Variants in SCAP observed in about 807,000 individuals in gnomAD.
SCAP encodes the protein SREBF chaperone.
SCAP carries 65 observed loss-of-function variants against 123.6 expected under a neutral mutation model. That is an observed-to-expected ratio of 0.53 (90% CI 0.43 to 0.65). The LOEUF is 0.65. Ranked by LOEUF, SCAP falls within the 30% of genes least tolerant of loss-of-function variation. SCAP has a pLI of 0.00. For synonymous variants in SCAP, 740 were observed against 726.3 expected, an observed-to-expected ratio of 1.02 and a Z score of -0.30; for missense variants, 1,398 against 1,712.5, an observed-to-expected ratio of 0.82 and a Z score of 3.24.
intron 1 of SCAP, among the ~76,000 whole-genome samples, chr3:47,448,140 C>T (rs562253115): frequency 1.3e-4 from 19 of 151,168 alleles, no homozygotes; most frequent in Admixed American, 5.9e-4. Context: ...TTTCCATCTA[C>T]TTAGATCTTT....
intron 1 of SCAP, among the ~76,000 whole-genome samples, chr3:47,457,054 T>C (rs1211726394): frequency 6.6e-6 from 1 of 152,030 alleles, no homozygotes; most frequent in Non-Finnish European, 1.5e-5. Context: ...TAAACTATCA[T>C]AAAGAAACAT....
In SCAP at chr3:47,414,332, G is replaced by T. The variant is rs1355241256; in HGVS notation, c.3442C>A (p.Leu1148Met). The change falls in exon 22 of 23, where the codon CTG (leucine) becomes ATG (methionine). Residue 1148 changes from leucine to methionine, a missense_variant. Physicochemically the swap from Leu to Met is conservative, Grantham distance 15 (BLOSUM62 2). Transcript: ENST00000265565. Reference sequence around the variant, plus strand: ...ACATGGCTGACCCGGCTGCCAGTCAGTACATCCCACAGGCAGATGGCCCCA... The same window carrying T: ...ACATGGCTGACCCGGCTGCCAGTCATTACATCCCACAGGCAGATGGCCCCA... The part of the protein sequence containing the change: ...QDGAICLWDV[L>M]TGSRVSHVFA... The T allele has an allele frequency of 9.9e-6, 16 of 1,613,184 alleles. No individual in the cohort carries two copies. The South Asian group carries it at 1.5e-4, about 15-fold the overall frequency.
At chr3:47,415,633 A>G (rs1385264890) in intron 18 of SCAP, among the ~76,000 whole-genome samples, 1 of 152,170 alleles carries the variant, frequency 6.6e-6, no homozygotes, top group Non-Finnish European at 1.5e-5. Context: ...GCTCACATCA[A>G]TTCCTTTTTC....
intron 20 of SCAP, 81 bp from the exon 21 acceptor site, chr3:47,414,733 C>A (rs986328317): frequency 6.2e-7 from 1 of 1,609,168 alleles, no homozygotes; most frequent in African/African-American, 1.3e-5. Flanking sequence ...CTCTGTTCTT[C>A]ATCAGGACTC....
At chr3:47,444,444 G>C (rs898082509) in intron 1 of SCAP, among the ~76,000 whole-genome samples, 10 of 152,298 alleles carry the variant, frequency 6.6e-5, no homozygotes, top group African/African-American at 2.2e-4. Context: ...AAGCAGAAGC[G>C]TTAAGCGCAC....
At chr3:47,421,052 T>TG (rs538169049) in intron 10 of SCAP, 23 bp from the exon 11 acceptor site, 74 of 1,592,998 alleles carry the variant, frequency 4.6e-5, no homozygotes, top group South Asian at 4.4e-5. Flanking sequence ...CACATGGGGA[T>TG]GGGGGGGTGC....
intron 1 of SCAP, among the ~76,000 whole-genome samples, chr3:47,466,929 T>C (rs1360708747): frequency 6.6e-6 from 1 of 150,586 alleles, no homozygotes; most frequent in South Asian, 2.1e-4. Context: ...TAAAAAAAAA[T>C]AAATACAAAA....
intron 1 of SCAP, among the ~76,000 whole-genome samples, chr3:47,445,116 C>T (rs536887963): frequency 6.6e-6 from 1 of 152,180 alleles, no homozygotes; most frequent in African/African-American, 2.4e-5. Flanking sequence ...AATGGGTATG[C>T]CACATTTTGT....
Position 47,427,139 on chromosome 3 carries a change from G to A in SCAP, c.737+18C>T. On this transcript the variant is annotated intron_variant, in intron 6 of 22. Transcript: ENST00000265565. Reference sequence around the variant, plus strand: ...ACCCAGCAGACCAGTCAAGAGCCCAGGGTACTGTCAATCTTACTTGGCATG... The same window carrying A: ...ACCCAGCAGACCAGTCAAGAGCCCAAGGTACTGTCAATCTTACTTGGCATG... 1 of 1,574,562 alleles carries A rather than the reference G, an allele frequency of 6.4e-7. No individual in the cohort carries two copies.
Position 47,419,756 on chromosome 3 carries a change from C to T in SCAP, c.1564-52G>A. ...GGGAGGAATGGGCCCCAACCCCCAG[C>T]AGCTTCAGCCCTCATGCTGAGAGGA... On this transcript the variant is annotated intron_variant, in intron 12 of 22. Coordinates refer to ENST00000265565, the MANE Select transcript of SCAP (RefSeq NM_012235.4). The surrounding 1 kb of genome is among the most constrained non-coding windows in gnomAD (Gnocchi z 5.0). 1 of 1,504,344 alleles carries T rather than the reference C, an allele frequency of 6.6e-7. No individual in the cohort carries two copies. Among genetic ancestry groups the T allele is most frequent in the Non-Finnish European group, 8.9e-7 (1 of 1,127,002 alleles). 93.2% of individuals were successfully genotyped at this position (1,504,344 alleles called of 1,614,324 possible). A position where few individuals can be genotyped will look rare whatever the true frequency, so the allele number is the denominator to read the frequency against.
chr3:47,423,150 G>A (rs544350224), intron 9 of SCAP, among the ~76,000 whole-genome samples: 2 of 152,324 alleles, frequency 1.3e-5, no homozygotes, highest in African/African-American at 4.8e-5. Context: ...ATGGACGGCT[G>A]CCTACAGCCC....
chr3:47,459,913 C>T (rs1429365667), intron 1 of SCAP, among the ~76,000 whole-genome samples: 7 of 152,108 alleles, frequency 4.6e-5, no homozygotes, highest in Admixed American at 1.3e-4. Context: ...TTATCTCAAC[C>T]GCATAAGACA....
In SCAP at chr3:47,417,462, G is replaced by C. The variant is rs563036746; in HGVS notation, c.2812C>G (p.Pro938Ala). The change falls in exon 17 of 23, where the codon CCT becomes GCT. Residue 938 changes from proline (P) to alanine (A), a missense_variant. This residue lies in a region of SCAP where 828 missense variants were observed against 882.5 expected (regional missense o/e 0.94). Transcript: ENST00000265565. ...GGGGCCTGGGACAGCACCGGCCCAG[G>C]CGAGGGTGGGCGCAGGGCTGGTGTG... is the stretch of plus-strand genomic sequence containing the variant. ...VCTPALRPPS[P>A]GPVLSQAPED... 5 of 1,550,864 alleles carry C rather than the reference G, an allele frequency of 3.2e-6. No homozygotes were observed. The East Asian group carries it at 1.2e-4, about 38-fold the overall frequency.
chr3:47,435,621 G>A (rs1706548933), intron 2 of SCAP, among the ~76,000 whole-genome samples: 1 of 151,906 alleles, frequency 6.6e-6, no homozygotes, highest in Non-Finnish European at 1.5e-5. Context: ...CCTGACCTCA[G>A]GTGATCCACC....
chr3:47,448,033 A>C (rs13087188), intron 1 of SCAP, among the ~76,000 whole-genome samples: 1 of 127,592 alleles, frequency 7.8e-6, no homozygotes, highest in Non-Finnish European at 1.7e-5. Flanking sequence ...AAAAAAAAAA[A>C]CTTGATAGAA....
At chr3:47,460,119 G>A (rs150698843) in intron 1 of SCAP, among the ~76,000 whole-genome samples, 53 of 152,272 alleles carry the variant, frequency 3.5e-4, no homozygotes, top group African/African-American at 1.1e-3. Context: ...AGACCTTATG[G>A]TTGTCTTCCC....
At chr3:47,444,938 A>C (rs2107925649) in intron 1 of SCAP, among the ~76,000 whole-genome samples, 1 of 146,666 alleles carries the variant, frequency 6.8e-6, no homozygotes, top group African/African-American at 2.5e-5. Flanking sequence ...CACCTGGCTA[A>C]TTTTTGTATT....
chr3:47,469,272 G>A (rs1036463158), intron 1 of SCAP, among the ~76,000 whole-genome samples: 2 of 152,162 alleles, frequency 1.3e-5, no homozygotes, highest in South Asian at 2.1e-4. Context: ...CGCTTGAACC[G>A]GGAGGCAAAG....
At chr3:47,444,178 T>A (rs1255036582) in intron 1 of SCAP, among the ~76,000 whole-genome samples, 4 of 152,212 alleles carry the variant, frequency 2.6e-5, no homozygotes, top group African/African-American at 9.6e-5. Context: ...TCTAGAATTA[T>A]CTTCCCTACT....
Sources: allele counts gnomAD v4.1 joint callset (sites outside exome capture counted in the v4.1 genomes callset), GRCh38; gene constraint gnomAD v4.1.1; regional missense constraint gnomAD v4.1.1; non-coding constraint Gnocchi (gnomAD v3.1); transcripts MANE v1.5; gene names NCBI Gene and HGNC (gene_info 2026-07-23, HGNC 2026-07-21).